Variants in EPG5 observed in about 807,000 individuals in gnomAD.
EPG5 encodes the protein ectopic P granules protein 5 homolog.
Under a neutral mutation model 302.7 loss-of-function variants are expected in EPG5, and 159 were observed. That is an observed-to-expected ratio of 0.53 (90% confidence interval 0.46 to 0.60). The LOEUF is 0.60. Ranked by LOEUF, EPG5 falls within the 20% of genes least tolerant of loss-of-function variation. The pLI is 0.00. For missense variants in EPG5, 2,896 were observed against 3,092.4 expected (o/e 0.94, Z 1.51); for synonymous variants, 1,158 against 1,136.8 (o/e 1.02, Z -0.37).
At chr18:45,873,853 T>C (rs1272011540) in intron 35 of EPG5, among the ~76,000 whole-genome samples, 3 of 152,032 alleles carry the variant, frequency 2.0e-5, no homozygotes, top group Non-Finnish European at 4.4e-5. Context: ...CCAGACAAAA[T>C]GAAATGAGCT....
At chr18:45,964,787 G>A (rs983234990) in intron 1 of EPG5, among the ~76,000 whole-genome samples, 5 of 152,102 alleles carry the variant, frequency 3.3e-5, no homozygotes, top group African/African-American at 1.2e-4. Flanking sequence ...GACCAACATG[G>A]TGAAACCTCA....
Position 45,889,927 on chromosome 18 carries a change from T to C in EPG5, c.4823A>G (p.His1608Arg), listed in dbSNP as rs1426923295. The C allele has an allele frequency of 8.8e-6, 14 of 1,596,200 alleles. No individual in the cohort carries two copies. The highest frequency in any genetic ancestry group is 3.4e-5 in the Admixed American group (2 of 58,120). The change falls in exon 28 of 44, where the codon CAT (histidine) becomes CGT (arginine). Residue 1608 changes from histidine (H) to arginine (R), a missense_variant. Transcript: ENST00000282041. ...AVVTVQFEGM[H>R]KNEAISQQLH... ...CTGTTGGCTTATGGCTTCATTCTTA[T>C]GCATGCCTTCAAACTAACAAAAATT...
intron 26 of EPG5, 107 bp downstream of exon 26, chr18:45,900,889 T>C: frequency 7.8e-7 from 1 of 1,282,468 alleles, no homozygotes; most frequent in Non-Finnish European, 1.1e-6. Context: ...GGTCAAACTA[T>C]CCTCATTGTA....
At chr18:45,831,519 A>C in the EPG5 span, among the ~76,000 whole-genome samples, 1 of 152,194 alleles carries the variant, frequency 6.6e-6, no homozygotes, top group Non-Finnish European at 1.5e-5. Context: ...CCAGACTGTC[A>C]ACCTAACGAG....
chr18:45,803,623 A>G, the EPG5 span, among the ~76,000 whole-genome samples: 38 of 152,298 alleles, frequency 2.5e-4, no homozygotes, highest in African/African-American at 8.9e-4. Context: ...GGAGAGAGCC[A>G]GAGAAAGAAA....
chr18:45,960,681 C>T (rs2051129984), intron 1 of EPG5, among the ~76,000 whole-genome samples: 1 of 152,024 alleles, frequency 6.6e-6, no homozygotes, highest in Non-Finnish European at 1.5e-5. Context: ...AAGAAAAATA[C>T]AACAAACCAT....
At chr18:45,846,709 G>A (rs111961756), downstream of EPG5, among the ~76,000 whole-genome samples, 812 of 152,178 alleles carry the variant, frequency 5.3e-3, 9 homozygotes, top group African/African-American at 0.019. Flanking sequence ...AGAATTCAGG[G>A]TGAGTCCACA....
chr18:45,957,428 G>C (rs535721023), intron 1 of EPG5, among the ~76,000 whole-genome samples: 109 of 152,264 alleles, frequency 7.2e-4, no homozygotes, highest in African/African-American at 2.5e-3. Flanking sequence ...CATTATATGA[G>C]TGTTAATAAA....
At chr18:45,828,328 A>G in the EPG5 span, among the ~76,000 whole-genome samples, 1 of 152,040 alleles carries the variant, frequency 6.6e-6, no homozygotes, top group Non-Finnish European at 1.5e-5. Flanking sequence ...GGAGACCCCC[A>G]TACTCGACAC....
the EPG5 span, among the ~76,000 whole-genome samples, chr18:45,815,477 C>T: frequency 6.6e-6 from 1 of 151,692 alleles, no homozygotes; most frequent in Non-Finnish European, 1.5e-5. Context: ...AAATTAGTAG[C>T]TCTTCTATAC....
the EPG5 span, among the ~76,000 whole-genome samples, chr18:45,824,312 T>G: frequency 7.2e-5 from 11 of 152,220 alleles, no homozygotes; most frequent in African/African-American, 2.2e-4. Context: ...CTTCACACCA[T>G]TCTCCTGCCT....
Position 45,867,649 on chromosome 18 carries a change from G to T in EPG5, c.6325C>A (p.Pro2109Thr), listed in dbSNP as rs2048775274. ...ATCATGCTGCGGGTTTCTGGGTGGG[G>T]ACTGGAATTCCAGGCATCAGAGAGC... ...SVLSDAWNSSPHPETRSMIVC... is the reference protein window; with the variant it reads ...SVLSDAWNSSTHPETRSMIVC... Residue 2109 changes from proline to threonine, a missense_variant, in exon 37 of 44, where the codon CCC (proline) becomes ACC (threonine). This residue lies in a region of EPG5 where 620 missense variants were observed against 704.2 expected (regional missense o/e 0.88). Transcript: ENST00000282041. The T allele has an allele frequency of 6.2e-7, 1 of 1,614,016 alleles. No homozygotes were observed. The highest frequency in any genetic ancestry group is 8.5e-7 in the Non-Finnish European group (1 of 1,179,972).
the EPG5 span, among the ~76,000 whole-genome samples, chr18:45,829,449 A>T: frequency 6.6e-6 from 1 of 152,210 alleles, no homozygotes; most frequent in Non-Finnish European, 1.5e-5. Flanking sequence ...GCCCAGAGAA[A>T]GATTTGCAGG....
At chr18:45,840,562 C>G in the EPG5 span, among the ~76,000 whole-genome samples, 2 of 152,220 alleles carry the variant, frequency 1.3e-5, no homozygotes, top group Non-Finnish European at 1.5e-5. Context: ...CCCGTTCCCC[C>G]CTGGCACTCT....
chr18:45,912,518 T>C (rs2049929632), intron 21 of EPG5, 62 bp from the exon 22 acceptor site: 1 of 1,445,318 alleles, frequency 6.9e-7, no homozygotes, highest in Non-Finnish European at 9.4e-7. Flanking sequence ...CGGTTAACTC[T>C]TTCTAAGTGA....
Position 45,949,611 on chromosome 18 carries a change from T to A in EPG5, c.1390-20A>T, listed in dbSNP as rs1368126316. On this transcript the variant is annotated intron_variant, in intron 4 of 43. Transcript: ENST00000282041. The stretch of plus-strand genomic sequence containing the variant: ...GGATACCTGAACAATAAAGGTCATA[T>A]GATCTCACTATTTTTAATAAAAGAA... 1.3e-6 allele frequency: 2 copies of A among 1,482,178 alleles called. No individual in the cohort carries two copies. The highest frequency in any genetic ancestry group is 2.8e-5 in the African/African-American group (2 of 72,228). 91.8% of individuals were successfully genotyped at this position (1,482,178 alleles called of 1,614,324 possible).
intron 39 of EPG5, among the ~76,000 whole-genome samples, chr18:45,863,279 C>T: frequency 6.6e-6 from 1 of 152,298 alleles, no homozygotes; most frequent in African/African-American, 2.4e-5. Context: ...GCATTAGTCC[C>T]TTTACCAATA....
At position 45,952,399 on chromosome 18, in the gene EPG5, C is replaced by T; in HGVS notation, c.1252+1G>A. 1 of 1,613,866 alleles carries T rather than the reference C, an allele frequency of 6.2e-7. No homozygotes were observed. The highest frequency in any genetic ancestry group is 1.6e-4 in the Middle Eastern group (1 of 6,062). On this transcript the variant is annotated splice_donor_variant, in intron 3 of 43. Transcript: ENST00000282041. LOFTEE classifies it high-confidence loss of function. ...GAAAGAGAGCTTCATTACTTACATA[C>T]CTCGGCCTTGCTGGTGAATTGCTGA...
intron 34 of EPG5, 54 bp downstream of exon 34, chr18:45,878,322 G>C: frequency 8.3e-7 from 1 of 1,204,472 alleles, no homozygotes; most frequent in Non-Finnish European, 1.2e-6. Context: ...ATACCATTTA[G>C]AATTTTAAGT....
Sources: gnomAD v4.1 joint callset for allele counts (sites outside exome capture counted in the v4.1 genomes callset) on GRCh38, gnomAD v4.1.1 for gene constraint, gnomAD v4.1.1 regional missense constraint, MANE v1.5 for transcripts, NCBI Gene and HGNC (gene_info 2026-07-23, HGNC 2026-07-21) for gene names.